The following PPP6R2 variants were observed in gnomAD, a reference collection of about 807,000 sequenced individuals.
The protein encoded by PPP6R2 is serine/threonine-protein phosphatase 6 regulatory subunit 2.
PPP6R2 carries 62 observed loss-of-function variants against 100.2 expected under a neutral mutation model. The ratio of observed to expected loss-of-function variants is 0.62; its 90% CI spans 0.50 to 0.76. The LOEUF is 0.76. PPP6R2 is among the 30% of genes least tolerant of loss of function. PPP6R2 has a pLI of 0.00. For missense variants in PPP6R2, 1,142 were observed against 1,276.3 expected (o/e 0.89, Z 1.60); for synonymous variants, 525 against 514.7 (o/e 1.02, Z -0.27).
At chr22:50,350,223 C>T (rs903626172) in intron 1 of PPP6R2, among the ~76,000 whole-genome samples, 1 of 152,080 alleles carries the variant, frequency 6.6e-6, no homozygotes, top group African/African-American at 2.4e-5. Flanking sequence ...TCAGGCTCTA[C>T]TTCTAGTTCT....
At chr22:50,402,040 T>C (rs748260834) in intron 3 of PPP6R2, among the ~76,000 whole-genome samples, 6 of 152,134 alleles carry the variant, frequency 3.9e-5, no homozygotes, top group South Asian at 4.1e-4. Context: ...TCTGAGAACA[T>C]TGTAGTTTAA....
At chr22:50,425,393 T>C (rs1169680028) in intron 10 of PPP6R2, among the ~76,000 whole-genome samples, 1 of 152,244 alleles carries the variant, frequency 6.6e-6, no homozygotes. Flanking sequence ...CATTCATCCA[T>C]CCATCAGTGG....
intron 1 of PPP6R2, among the ~76,000 whole-genome samples, chr22:50,356,403 GGTA>G (rs2046593925): frequency 6.6e-6 from 1 of 150,966 alleles, no homozygotes; most frequent in Admixed American, 6.6e-5. Context: ...CCCAGGCTGA[GGTA>G]GTCATCACAC....
At chr22:50,436,803 G>T (rs1360012672) in intron 14 of PPP6R2, among the ~76,000 whole-genome samples, 185 bp from the exon 15 acceptor site, 1 of 152,210 alleles carries the variant, frequency 6.6e-6, no homozygotes, top group South Asian at 2.1e-4. Flanking sequence ...GGGCTGTCAC[G>T]GGGCCTTGGC....
At chr22:50,339,674 GTGT>G (rs1350967155), upstream of PPP6R2, among the ~76,000 whole-genome samples, 1 of 129,228 alleles carries the variant, frequency 7.7e-6, no homozygotes, top group Non-Finnish European at 1.7e-5. Context: ...TTTCGAGTGT[GTGT>G]TGTGTGTGGT....
At chr22:50,334,239 T>C in the PPP6R2 span, among the ~76,000 whole-genome samples, 26 of 152,156 alleles carry the variant, frequency 1.7e-4, no homozygotes, top group East Asian at 5.1e-3. Context: ...CTCCTTTTCC[T>C]GGTCCGCTGA....
intron 1 of PPP6R2, among the ~76,000 whole-genome samples, chr22:50,354,886 T>TTTTTTG (rs2046122625): frequency 6.7e-6 from 1 of 148,304 alleles, no homozygotes. Flanking sequence ...TTTTTTTTTT[T>TTTTTTG]GAGACAGTCT....
At chr22:50,338,696 G>GGTA, upstream of PPP6R2, among the ~76,000 whole-genome samples, 1 of 139,082 alleles carries the variant, frequency 7.2e-6, no homozygotes, top group Admixed American at 7.1e-5. Flanking sequence ...TGGTGTGTGT[G>GGTA]GTGTGTGTAG....
chr22:50,380,857 C>T (rs569327876), intron 2 of PPP6R2, among the ~76,000 whole-genome samples: 12 of 151,276 alleles, frequency 7.9e-5, no homozygotes, highest in African/African-American at 1.7e-4. Context: ...GGCGTGGTGG[C>T]GGGCACCTAT....
rs552860657 is a variant in PPP6R2 at position 50,423,336 on chromosome 22, C to T, written c.973-126C>T. 4 of 1,168,664 alleles carry T rather than the reference C, an allele frequency of 3.4e-6. No homozygotes were observed. Among genetic ancestry groups the T allele is most frequent in the Non-Finnish European group, 1.2e-6 (1 of 829,748 alleles). The allele number at this position is 1,168,664 out of a possible 1,614,324, so 72.4% of individuals were successfully genotyped here. A position where few individuals can be genotyped will look rare whatever the true frequency, so the allele number is the denominator to read the frequency against. On this transcript the variant is annotated intron_variant, in intron 9 of 23. Transcript: ENST00000612753. This position sits in a 1 kb window ranked among gnomAD's most constrained non-coding sequence, Gnocchi z 4.8. ...TGGCAGACGGCCCTCCCTGAGGAACCCCCACCACATACCTCGCTACCCCAG... is the reference window on the plus strand; with the variant it reads ...TGGCAGACGGCCCTCCCTGAGGAACTCCCACCACATACCTCGCTACCCCAG...
At chr22:50,336,567 A>T in the PPP6R2 span, among the ~76,000 whole-genome samples, 8 of 146,422 alleles carry the variant, frequency 5.5e-5, no homozygotes, top group African/African-American at 1.8e-4. Context: ...GTAGAGAAAA[A>T]TTTTTTTTTA....
chr22:50,412,036 GCA>G (rs1160563544), intron 4 of PPP6R2, among the ~76,000 whole-genome samples: 3 of 151,816 alleles, frequency 2.0e-5, no homozygotes, highest in African/African-American at 7.3e-5. Flanking sequence ...GAGTGAGACT[GCA>G]TCTCAAAAAA....
At chr22:50,417,740 G>A (rs1033085031) in intron 6 of PPP6R2, among the ~76,000 whole-genome samples, 2 of 152,234 alleles carry the variant, frequency 1.3e-5, no homozygotes, top group African/African-American at 4.8e-5. Flanking sequence ...AGGCCGCCCT[G>A]CCTGAGAACT....
chr22:50,438,472 G>A, intron 18 of PPP6R2, 127 bp from the exon 19 acceptor site: 2 of 1,420,496 alleles, frequency 1.4e-6, no homozygotes, highest in Non-Finnish European at 1.9e-6. Flanking sequence ...GAGGCCTGGA[G>A]CGTCTCGTGC....
chr22:50,401,760 A>G (rs1286532232), intron 3 of PPP6R2, among the ~76,000 whole-genome samples: 1 of 150,952 alleles, frequency 6.6e-6, no homozygotes, highest in Non-Finnish European at 1.5e-5. Flanking sequence ...CTCCTGCCTC[A>G]GCCTCTTGAG....
intron 19 of PPP6R2, among the ~76,000 whole-genome samples, chr22:50,439,220 G>T (rs1569495572): frequency 1.3e-5 from 2 of 152,228 alleles, no homozygotes; most frequent in Non-Finnish European, 2.9e-5. Flanking sequence ...CAGGACTTTG[G>T]TGGCGGGGGC....
intron 2 of PPP6R2, 84 bp from the exon 3 acceptor site, chr22:50,393,809 A>G (rs1603078673): frequency 2.5e-6 from 4 of 1,573,698 alleles, no homozygotes; most frequent in East Asian, 4.5e-5. Flanking sequence ...GGTGAGAGAA[A>G]TGACCCCTTT....
intron 1 of PPP6R2, among the ~76,000 whole-genome samples, chr22:50,353,449 G>A (rs1398588274): frequency 1.3e-5 from 2 of 152,094 alleles, no homozygotes; most frequent in Non-Finnish European, 2.9e-5. Context: ...ATATGGGCAC[G>A]GTTTGTAGTT....
At chr22:50,404,616 T>C (rs1364366573) in intron 3 of PPP6R2, among the ~76,000 whole-genome samples, 13 of 124,574 alleles carry the variant, frequency 1.0e-4, no homozygotes, top group African/African-American at 3.6e-4. Context: ...TTTTTTTTTT[T>C]TGGAGAGACG....
Sources: allele counts gnomAD v4.1 joint callset (sites outside exome capture counted in the v4.1 genomes callset), GRCh38; gene constraint gnomAD v4.1.1; non-coding constraint Gnocchi (gnomAD v3.1); transcripts MANE v1.5; gene names NCBI Gene and HGNC (gene_info 2026-07-23, HGNC 2026-07-21).